The following OXR1 variants were observed in gnomAD, a reference collection of about 807,000 sequenced individuals.
OXR1 encodes the protein oxidation resistance 1.
A neutral mutation model predicts 104.6 loss-of-function variants in OXR1; 41 were observed. That is an observed-to-expected ratio of 0.39 (90% CI 0.31 to 0.51). The LOEUF is 0.51. OXR1 is among the 20% of genes least tolerant of loss of function. The pLI is 0.77. For missense variants in OXR1, 955 were observed against 1,031.9 expected (o/e 0.93, Z 1.02); for synonymous variants, 348 against 348.4 (o/e 1.00, Z 0.01).
chr8:106,393,600 CTTCT>C (rs1427248414), intron 2 of OXR1, among the ~76,000 whole-genome samples: 1 of 151,946 alleles, frequency 6.6e-6, no homozygotes, highest in Non-Finnish European at 1.5e-5. Context: ...CTTATGAATT[CTTCT>C]TTATTTCCCC....
chr8:106,409,605 C>G (rs999608661), intron 2 of OXR1, among the ~76,000 whole-genome samples: 1 of 152,086 alleles, frequency 6.6e-6, no homozygotes, highest in Admixed American at 6.6e-5. Context: ...CTTTAAAGCT[C>G]AAAGGAATGA....
At chr8:106,471,261 A>G (rs1157228622) in intron 2 of OXR1, among the ~76,000 whole-genome samples, 2 of 151,960 alleles carry the variant, frequency 1.3e-5, no homozygotes, top group South Asian at 4.1e-4. Context: ...TATCTAGTAC[A>G]TAAGTAGACG....
At chr8:106,429,842 T>C (rs1819288358) in intron 2 of OXR1, among the ~76,000 whole-genome samples, 1 of 152,254 alleles carries the variant, frequency 6.6e-6, no homozygotes, top group South Asian at 2.1e-4. Flanking sequence ...TAAGAAAATA[T>C]GATTGTAAAA....
rs57800709 is a variant in OXR1 at position 106,694,773 on chromosome 8, A to ATTTATATATT, written c.675+1896_675+1897insTTTATATATT. On this transcript the variant is annotated intron_variant, in intron 7 of 16. Transcript: ENST00000517566. ...ATATTAATATATATATTTAATAGAT[A>ATTTATATATT]AATACATATATATTTAATAGATAAA... Among the ~76,000 whole-genome samples, 872 of 96,904 alleles carry ATTTATATATT rather than the reference A, an allele frequency of 9.0e-3. 56 individuals are homozygous for ATTTATATATT. Among genetic ancestry groups the ATTTATATATT allele is most frequent in the East Asian group, 0.043 (97 of 2,240 alleles). The allele number at this position is 96,904 out of a possible 152,430, so 63.6% of individuals were successfully genotyped here. A position where few individuals can be genotyped will look rare whatever the true frequency, so the allele number is the denominator to read the frequency against.
At chr8:106,471,072 A>G (rs938401932) in intron 2 of OXR1, among the ~76,000 whole-genome samples, 1 of 151,666 alleles carries the variant, frequency 6.6e-6, no homozygotes, top group Admixed American at 6.6e-5. Flanking sequence ...TTGGCAAAGG[A>G]GGCACAGAAA....
intron 1 of OXR1, among the ~76,000 whole-genome samples, chr8:106,346,768 G>A (rs75941242): frequency 0.045 from 6,823 of 152,122 alleles, 199 homozygotes; most frequent in South Asian, 0.11. Flanking sequence ...GGCTGGGCGC[G>A]GTGGCTCACG....
At chr8:106,274,101 T>G (rs1390757463) in intron 1 of OXR1, among the ~76,000 whole-genome samples, 2 of 152,200 alleles carry the variant, frequency 1.3e-5, no homozygotes, top group Non-Finnish European at 2.9e-5. Flanking sequence ...AAATGAAATC[T>G]TAGTATTTAT....
chr8:106,651,965 T>G (rs987406482), intron 3 of OXR1, among the ~76,000 whole-genome samples: 1 of 152,198 alleles, frequency 6.6e-6, no homozygotes, highest in African/African-American at 2.4e-5. Context: ...AGTAAATGTC[T>G]TGCTCCTCCT....
intron 1 of OXR1, among the ~76,000 whole-genome samples, chr8:106,289,942 T>C (rs973409536): frequency 6.6e-6 from 1 of 152,178 alleles, no homozygotes; most frequent in African/African-American, 2.4e-5. Flanking sequence ...TTCTCCTTGC[T>C]ACTGCCATGT....
At chr8:106,379,918 T>A (rs1421155977) in intron 2 of OXR1, among the ~76,000 whole-genome samples, 1 of 152,160 alleles carries the variant, frequency 6.6e-6, no homozygotes, top group Non-Finnish European at 1.5e-5. Flanking sequence ...TCATATATAT[T>A]TTTTAATATA....
intron 1 of OXR1, among the ~76,000 whole-genome samples, chr8:106,319,617 T>G (rs745818351): frequency 6.6e-6 from 1 of 152,186 alleles, no homozygotes; most frequent in Non-Finnish European, 1.5e-5. Context: ...ACTTACCCTT[T>G]CAATGAGGAA....
At chr8:106,666,416 T>C (rs1826339029) in intron 3 of OXR1, among the ~76,000 whole-genome samples, 1 of 152,226 alleles carries the variant, frequency 6.6e-6, no homozygotes, top group South Asian at 2.1e-4. Flanking sequence ...CTGTATTTGC[T>C]CTATCTAATA....
At chr8:106,435,946 A>T (rs897560451) in intron 2 of OXR1, among the ~76,000 whole-genome samples, 1 of 152,196 alleles carries the variant, frequency 6.6e-6, no homozygotes. Context: ...GATGAAGAGT[A>T]AAGTAGAGCT....
intron 1 of OXR1, among the ~76,000 whole-genome samples, chr8:106,342,225 TTTTTC>T (rs750420368): frequency 1.4e-4 from 21 of 151,330 alleles, no homozygotes; most frequent in South Asian, 2.1e-4. Context: ...TTCTTGCTTC[TTTTTC>T]TTTTCTTTTC....
chr8:106,668,229 A>T (rs1036931724), intron 3 of OXR1, among the ~76,000 whole-genome samples: 4 of 151,950 alleles, frequency 2.6e-5, no homozygotes, highest in African/African-American at 9.7e-5. Context: ...GTCCTCCTTG[A>T]TTCTGGAGTT....
intron 2 of OXR1, among the ~76,000 whole-genome samples, chr8:106,370,714 T>C (rs761003595): frequency 6.6e-6 from 1 of 152,234 alleles, no homozygotes; most frequent in Non-Finnish European, 1.5e-5. Context: ...GATTTGCATA[T>C]GTTGAACTAG....
chr8:106,307,202 T>A (rs535486464), intron 1 of OXR1, among the ~76,000 whole-genome samples: 3 of 152,292 alleles, frequency 2.0e-5, no homozygotes, highest in South Asian at 4.1e-4. Context: ...GAATGGTATG[T>A]GAAGGGAGGC....
intron 1 of OXR1, among the ~76,000 whole-genome samples, chr8:106,281,180 G>C (rs991770667): frequency 6.6e-6 from 1 of 152,192 alleles, no homozygotes; most frequent in African/African-American, 2.4e-5. Context: ...TGAAGAGGGA[G>C]GGGCAGAAAA....
chr8:106,509,005 A>G (rs534710241), intron 2 of OXR1, among the ~76,000 whole-genome samples: 161 of 152,358 alleles, frequency 1.1e-3, no homozygotes, highest in African/African-American at 3.7e-3. Context: ...TGTTAAAAAT[A>G]GGTATCTTTA....
Sources: allele counts gnomAD v4.1 joint callset (sites outside exome capture counted in the v4.1 genomes callset), GRCh38; gene constraint gnomAD v4.1.1; transcripts MANE v1.5; gene names NCBI Gene and HGNC (gene_info 2026-07-23, HGNC 2026-07-21).